Variants in CTNS observed in about 807,000 individuals in gnomAD.
CTNS encodes the protein cystinosin, lysosomal cystine transporter.
A neutral mutation model predicts 43.7 loss-of-function variants in CTNS; 27 were observed. The observed-to-expected ratio is 0.62, with a 90% CI of 0.46 to 0.85. CTNS has a LOEUF of 0.85. Among genes scored for constraint, CTNS ranks in the 40% least tolerant of loss-of-function variants. CTNS has a pLI of 0.00. For synonymous variants in CTNS, 187 were observed against 190.6 expected (o/e 0.98, Z 0.16); for missense variants, 457 against 475.4 (o/e 0.96, Z 0.36).
At chr17:3,657,350 TG>T (rs1179841215) in intron 9 of CTNS, among the ~76,000 whole-genome samples, 5 of 152,148 alleles carry the variant, frequency 3.3e-5, no homozygotes, top group Non-Finnish European at 7.4e-5. Context: ...CTGGAAGCCA[TG>T]GGTGTCGGCA....
At chr17:3,646,954 G>T (rs1284900472) in intron 3 of CTNS, among the ~76,000 whole-genome samples, 1 of 152,180 alleles carries the variant, frequency 6.6e-6, no homozygotes, top group Non-Finnish European at 1.5e-5. Flanking sequence ...ACCCCAAAGG[G>T]CTCCTTAGAA....
chr17:3,654,035 G>T (rs2076058591), intron 5 of CTNS, among the ~76,000 whole-genome samples: 1 of 152,152 alleles, frequency 6.6e-6, no homozygotes, highest in South Asian at 2.1e-4. Context: ...TGCCTCCTCT[G>T]CTTTGTCACT....
At position 3,660,636 on chromosome 17, in the gene CTNS, G is replaced by A. The variant is rs1046261947; in HGVS notation, c.*267G>A. Reference sequence around the variant, plus strand: ...TTTAAGGCTTCAGGCAGCGCGCACAGGCTCTGGCAGCCGTCTCAGGCAGGA... The same window carrying A: ...TTTAAGGCTTCAGGCAGCGCGCACAAGCTCTGGCAGCCGTCTCAGGCAGGA... On this transcript the variant is annotated 3_prime_UTR_variant, in exon 12 of 12. Transcript: ENST00000046640. 7 of 1,613,436 alleles carry A rather than the reference G, an allele frequency of 4.3e-6. No individual in the cohort carries two copies. The highest frequency in any genetic ancestry group is 1.3e-5 in the African/African-American group (1 of 74,960).
At chr17:3,642,041 C>CGGTGTGTGTGTGTGTG (rs1555558799) in intron 3 of CTNS, among the ~76,000 whole-genome samples, 1 of 143,788 alleles carries the variant, frequency 7.0e-6, no homozygotes, top group Non-Finnish European at 1.5e-5. Context: ...TTGCCTGGGC[C>CGGTGTGTGTGTGTGTG]TGTGTGTGTG....
intron 4 of CTNS, among the ~76,000 whole-genome samples, 169 bp from the exon 5 acceptor site, chr17:3,648,678 G>A (rs2075902162): frequency 6.6e-6 from 1 of 152,196 alleles, no homozygotes; most frequent in Admixed American, 6.5e-5. Flanking sequence ...ATTAAGACAG[G>A]AAGGCCTACG....
chr17:3,640,073 C>T, intron 2 of CTNS, 115 bp from the exon 3 acceptor site: 1 of 824,562 alleles, frequency 1.2e-6, no homozygotes, highest in Non-Finnish European at 2.1e-6. Context: ...GAGGTCACAG[C>T]TGTCAGGTGG....
chr17:3,657,652 C>G (rs1171100950), intron 9 of CTNS: 1 of 373,782 alleles, frequency 2.7e-6, no homozygotes, highest in Non-Finnish European at 5.1e-6. Context: ...ACCAGGCCAC[C>G]AGAGTTCCGA....
At chr17:3,638,872 C>T (rs111501132) in intron 2 of CTNS, among the ~76,000 whole-genome samples, 2,041 of 152,278 alleles carry the variant, frequency 0.013, 26 homozygotes, top group Non-Finnish European at 0.02. Context: ...AGGGATCCAG[C>T]GCCAAGAGCA....
At chr17:3,650,368 G>C (rs2075951753) in intron 5 of CTNS, 1 of 1,540,924 alleles carries the variant, frequency 6.5e-7, no homozygotes, top group African/African-American at 1.4e-5. Flanking sequence ...TGTAATCCCA[G>C]CTACTTGGGA....
intron 5 of CTNS, among the ~76,000 whole-genome samples, chr17:3,653,737 G>A (rs534596922): frequency 2.6e-5 from 4 of 152,138 alleles, no homozygotes; most frequent in East Asian, 1.9e-4. Flanking sequence ...TTAGCCAGAC[G>A]TGGTGGCACA....
chr17:3,647,610 T>A (rs1216959480), intron 4 of CTNS, 88 bp downstream of exon 4: 9 of 1,150,718 alleles, frequency 7.8e-6, no homozygotes, highest in Non-Finnish European at 1.2e-5. Flanking sequence ...CTGTTCAGAT[T>A]TCAGATGCGC....
intron 3 of CTNS, among the ~76,000 whole-genome samples, chr17:3,640,499 C>G (rs1349499615): frequency 6.6e-6 from 1 of 152,260 alleles, no homozygotes; most frequent in Non-Finnish European, 1.5e-5. Context: ...CCTGGTATCT[C>G]TGTACCTTTC....
At chr17:3,653,163 C>G (rs910874988) in intron 5 of CTNS, among the ~76,000 whole-genome samples, 2 of 152,252 alleles carry the variant, frequency 1.3e-5, no homozygotes, top group South Asian at 4.1e-4. Context: ...TGTAATCCCA[C>G]CACTTTGGGA....
intron 3 of CTNS, among the ~76,000 whole-genome samples, chr17:3,641,593 A>C (rs576314360): frequency 6.6e-6 from 1 of 151,260 alleles, no homozygotes; most frequent in Non-Finnish European, 1.5e-5. Flanking sequence ...GGGTTTCACC[A>C]TGTTGGCCAG....
rs542727791 is a variant in CTNS at position 3,637,553 on chromosome 17, G to T, written c.-20+237G>T. On this transcript the variant is annotated intron_variant, in intron 2 of 11. Coordinates refer to ENST00000046640, the MANE Select transcript of CTNS (RefSeq NM_004937.3). Reference sequence around the variant, plus strand: ...GCGATCTCGGCTCACTGCAACCTCCGCCTCCGGGGTTCAAGCGATTCTCCT... The same window carrying T: ...GCGATCTCGGCTCACTGCAACCTCCTCCTCCGGGGTTCAAGCGATTCTCCT... Among the ~76,000 whole-genome samples, 5 of 150,950 alleles carry T rather than the reference G, an allele frequency of 3.3e-5. No homozygotes were observed. The East Asian group carries it at 9.8e-4, about 30-fold the overall frequency.
chr17:3,644,050 C>G (rs968434304), intron 3 of CTNS, among the ~76,000 whole-genome samples: 2 of 152,100 alleles, frequency 1.3e-5, no homozygotes, highest in Non-Finnish European at 2.9e-5. Flanking sequence ...AAATCTGATA[C>G]AATGTAAAGA....
At chr17:3,660,009 G>C (rs758283198) in intron 11 of CTNS, 34 bp downstream of exon 11, 1 of 1,573,186 alleles carries the variant, frequency 6.4e-7, no homozygotes, top group Non-Finnish European at 8.7e-7. Flanking sequence ...GCCACCCTGC[G>C]GCTGGGGCAT....
intron 5 of CTNS, among the ~76,000 whole-genome samples, chr17:3,651,846 C>T (rs1463708322): frequency 2.0e-5 from 3 of 151,486 alleles, no homozygotes; most frequent in African/African-American, 7.3e-5. Context: ...TAGTGGTGTG[C>T]GCCTATAATC....
In CTNS at chr17:3,650,838, T is replaced by G. The variant is rs886432093; in HGVS notation, c.225+1907T>G. Among the ~76,000 whole-genome samples, 6 of 152,348 alleles carry G rather than the reference T, an allele frequency of 3.9e-5. No homozygotes were observed. The East Asian group carries it at 1.2e-3, about 29-fold the overall frequency. On this transcript the variant is annotated intron_variant, in intron 5 of 11. Transcript: ENST00000046640. The stretch of plus-strand genomic sequence containing the variant: ...TTTGTTTAGAGACAGAGCTTCACTC[T>G]GTCGCCCAGGTTGGAGTAAAGTGGC...
Sources: allele counts gnomAD v4.1 joint callset (sites outside exome capture counted in the v4.1 genomes callset), GRCh38; gene constraint gnomAD v4.1.1; transcripts MANE v1.5; gene names NCBI Gene and HGNC (gene_info 2026-07-23, HGNC 2026-07-21).